Variants in CD163L1 observed in about 807,000 individuals in gnomAD.
CD163L1 encodes the protein CD163 molecule like 1.
A neutral mutation model predicts 165.4 loss-of-function variants in CD163L1; 124 were observed. The ratio of observed to expected loss-of-function variants is 0.75; its 90% CI spans 0.65 to 0.87. CD163L1 has a LOEUF of 0.87. CD163L1 is among the 40% of genes least tolerant of loss of function. The probability of loss-of-function intolerance (pLI) is 0.00; values close to 1 mark genes in which losing one functional copy is unlikely to be tolerated. For synonymous variants in CD163L1, 585 were observed against 662.2 expected (o/e 0.88, Z 1.79); for missense variants, 1,525 against 1,799.9 (o/e 0.85, Z 2.76).
chr12:7,427,640 T>G (rs779120320), intron 4 of CD163L1, among the ~76,000 whole-genome samples: 2 of 152,196 alleles, frequency 1.3e-5, no homozygotes, highest in South Asian at 4.1e-4. Context: ...CGTACAGCTT[T>G]TTACATGTCC....
intron 8 of CD163L1, among the ~76,000 whole-genome samples, chr12:7,390,866 A>G (rs1159351176): frequency 6.6e-6 from 1 of 152,206 alleles, no homozygotes; most frequent in Admixed American, 6.5e-5. Flanking sequence ...TTGTATATCA[A>G]ATTTTTCTTT....
chr12:7,432,442 T>G lies in CD163L1; in HGVS notation c.740A>C (p.Asn247Thr), dbSNP rs998878470. 6.2e-7 allele frequency: 1 copy of G among 1,613,570 alleles called. No homozygotes were observed. Reference protein sequence around the residue: ...RGWGNHDCSHNEDVTLTCYDS... With the variant: ...RGWGNHDCSHTEDVTLTCYDS... The stretch of plus-strand genomic sequence containing the variant: ...ATAACAAGTTAATGTGACATCCTCA[T>G]TGTGACTGCAGTCATGATTTCCCCA... The change falls in exon 4 of 20, where the codon AAT becomes ACT. Residue 247 changes from asparagine (N) to threonine (T), a missense_variant. Asn to Thr is a moderately conservative substitution (Grantham distance 65). Coordinates refer to ENST00000313599, the MANE Select transcript of CD163L1 (RefSeq NM_174941.6). This position sits in a 1 kb window ranked among gnomAD's most constrained non-coding sequence, Gnocchi z 4.2.
rs985406211 is a variant in CD163L1, at chr12:7,372,466, C to G, written c.3730+854G>C. ...ATACTAGTTTGACATTGAGAAATAG[C>G]CTTAATACCAATAATCACATGGTTA... On this transcript the variant is annotated intron_variant, in intron 14 of 19. Coordinates refer to ENST00000313599, the MANE Select transcript of CD163L1 (RefSeq NM_174941.6). This position sits in a 1 kb window ranked among gnomAD's most constrained non-coding sequence, Gnocchi z 4.2. 6.6e-6 allele frequency among the ~76,000 whole-genome samples: 1 copy of G among 151,764 alleles called. No individual in the cohort carries two copies. Among genetic ancestry groups the G allele is most frequent in the Non-Finnish European group, 1.5e-5 (1 of 67,880 alleles).
intron 18 of CD163L1, 66 bp from the exon 19 acceptor site, chr12:7,357,552 T>A: frequency 1.5e-6 from 2 of 1,347,764 alleles, no homozygotes; most frequent in Non-Finnish European, 2.1e-6. Flanking sequence ...GAAGAGCTGT[T>A]AAGTGCAGTG....
At chr12:7,395,523 AC>A (rs1201192589) in intron 8 of CD163L1, among the ~76,000 whole-genome samples, 1 of 152,126 alleles carries the variant, frequency 6.6e-6, no homozygotes, top group Non-Finnish European at 1.5e-5. Flanking sequence ...CAGCAAACCA[AC>A]ATGGCACATG....
intron 9 of CD163L1, among the ~76,000 whole-genome samples, chr12:7,377,791 C>A (rs1203589735): frequency 1.3e-5 from 2 of 152,118 alleles, no homozygotes; most frequent in Non-Finnish European, 2.9e-5. Context: ...TATGCTTTTC[C>A]AACTTCTTTT....
At chr12:7,429,564 C>T (rs1408228258) in intron 4 of CD163L1, among the ~76,000 whole-genome samples, 1 of 152,100 alleles carries the variant, frequency 6.6e-6, no homozygotes, top group African/African-American at 2.4e-5. Context: ...AGCTACAAGG[C>T]TGTACCCATA....
chr12:7,396,550 T>A, intron 7 of CD163L1, 135 bp from the exon 8 acceptor site: 1 of 848,132 alleles, frequency 1.2e-6, no homozygotes, highest in Non-Finnish European at 1.8e-6. Flanking sequence ...TTTTTTCAGA[T>A]GTGATTAACC....
intron 8 of CD163L1, 53 bp downstream of exon 8, chr12:7,396,042 G>T: frequency 1.4e-6 from 2 of 1,457,518 alleles, no homozygotes; most frequent in Non-Finnish European, 1.9e-6. Context: ...AAGAAGGTAT[G>T]TTAGAGAACC....
At chr12:7,440,353 A>G (rs1591977569) in intron 2 of CD163L1, among the ~76,000 whole-genome samples, 1 of 151,422 alleles carries the variant, frequency 6.6e-6, no homozygotes, top group African/African-American at 2.4e-5. Context: ...CCCTGCCGCC[A>G]TCCCCCCACC....
At chr12:7,442,078 ATTATT>A (rs1418007537) in intron 1 of CD163L1, among the ~76,000 whole-genome samples, 1 of 152,248 alleles carries the variant, frequency 6.6e-6, no homozygotes, top group Non-Finnish European at 1.5e-5. Flanking sequence ...TTATAGAAAG[ATTATT>A]TTAAAAGCAG....
chr12:7,327,878 CTG>C, the CD163L1 span, among the ~76,000 whole-genome samples: 1 of 152,092 alleles, frequency 6.6e-6, no homozygotes, highest in Non-Finnish European at 1.5e-5. Flanking sequence ...GAAGGGAAAA[CTG>C]TATATACTCC....
intron 10 of CD163L1, 33 bp from the exon 11 acceptor site, chr12:7,375,628 A>G (rs771262115): frequency 1.2e-6 from 2 of 1,610,524 alleles, no homozygotes; most frequent in Admixed American, 3.3e-5. Context: ...AAGAGACATC[A>G]TGACTTATCA....
In CD163L1 at chr12:7,390,803, G is replaced by C. The variant is rs989222588; in HGVS notation, c.2050+5292C>G. 2.6e-5 allele frequency among the ~76,000 whole-genome samples: 4 copies of C among 152,194 alleles called. No individual in the cohort carries two copies. The East Asian group carries it at 7.7e-4, about 29-fold the overall frequency. ...AAAACAAGGAAGCCCAAAGACCAATGATGTATCTGAGTCAGGGAGTCCAAC... is the reference window on the plus strand; with the variant it reads ...AAAACAAGGAAGCCCAAAGACCAATCATGTATCTGAGTCAGGGAGTCCAAC... On this transcript the variant is annotated intron_variant, in intron 8 of 19. Coordinates refer to ENST00000313599, the MANE Select transcript of CD163L1 (RefSeq NM_174941.6).
chr12:7,440,233 G>A (rs10845178), intron 2 of CD163L1, among the ~76,000 whole-genome samples: 1 of 151,906 alleles, frequency 6.6e-6, no homozygotes, highest in African/African-American at 2.4e-5. Flanking sequence ...CCTCCGCGCA[G>A]GCAGCCCTGG....
At chr12:7,405,596 A>G (rs751601841) in intron 5 of CD163L1, among the ~76,000 whole-genome samples, 2 of 152,328 alleles carry the variant, frequency 1.3e-5, no homozygotes, top group Admixed American at 6.5e-5. Flanking sequence ...CTTCGTCTAC[A>G]TATGTTTTTC....
chr12:7,391,161 G>A (rs1375164802), intron 8 of CD163L1, among the ~76,000 whole-genome samples: 13 of 152,114 alleles, frequency 8.5e-5, no homozygotes, highest in Non-Finnish European at 2.9e-5. Context: ...AAACAGAAAG[G>A]AATAGTATCA....
chr12:7,329,827 G>T, the CD163L1 span, among the ~76,000 whole-genome samples: 1 of 152,090 alleles, frequency 6.6e-6, no homozygotes, highest in Admixed American at 6.6e-5. Flanking sequence ...AGAAGAGCTT[G>T]TATAACAACC....
At chr12:7,326,955 A>G in the CD163L1 span, 1 of 1,580,052 alleles carries the variant, frequency 6.3e-7, no homozygotes, top group Non-Finnish European at 8.6e-7. Context: ...TGAGCAAGAT[A>G]AATTAACTTT....
Sources: allele counts gnomAD v4.1 joint callset (sites outside exome capture counted in the v4.1 genomes callset), GRCh38; gene constraint gnomAD v4.1.1; non-coding constraint Gnocchi (gnomAD v3.1); transcripts MANE v1.5; gene names NCBI Gene and HGNC (gene_info 2026-07-23, HGNC 2026-07-21).